Variants in PCSK6 observed in about 807,000 individuals in gnomAD.
PCSK6 encodes paired basic amino acid cleaving enzyme 4.
A neutral mutation model predicts 123.3 loss-of-function variants in PCSK6; 85 were observed. The observed-to-expected ratio is 0.69, with a 90% confidence interval of 0.58 to 0.83. PCSK6 has a LOEUF of 0.83. PCSK6 is among the 40% of genes least tolerant of loss of function. PCSK6 has a pLI of 0.00. For missense variants in PCSK6, 1,191 were observed against 1,282.3 expected, an observed-to-expected ratio of 0.93 and a Z score of 1.09; for synonymous variants, 508 against 516.0, an observed-to-expected ratio of 0.98 and a Z score of 0.21.
In PCSK6 at chr15:101,393,331, T is replaced by C. The variant is rs2042291187; in HGVS notation, c.1090A>G (p.Ile364Val). The C allele has an allele frequency of 6.2e-7, 1 of 1,611,300 alleles. No individual in the cohort carries two copies. The highest frequency in any genetic ancestry group is 1.3e-5 in the African/African-American group (1 of 74,748). ...YCSCDGYTNS[I>V]YTISVSSATE... is the part of the protein sequence containing the mutation. ...GCGCTGCTGACGGAGATGGTGTAGA[T>C]GCTGTTGGTGTAGCCATCGCACGAG... The change falls in exon 8 of 22, where the codon ATC (isoleucine) becomes GTC (valine). Residue 364 changes from isoleucine to valine, a missense_variant. Ile to Val is a conservative substitution (Grantham distance 29). Coordinates refer to ENST00000611716, the MANE Select transcript of PCSK6 (RefSeq NM_002570.5).
Position 101,423,257 on chromosome 15 carries a change from GA to G in PCSK6, c.823+4634del, listed in dbSNP as rs1284728076. Among the ~76,000 whole-genome samples, 116 of 140,040 alleles carry G rather than the reference GA, an allele frequency of 8.3e-4. 1 individual carries two copies. The highest frequency in any genetic ancestry group is 1.6e-3 in the Non-Finnish European group (101 of 64,994). The allele number at this position is 140,040 out of a possible 152,430, so 91.9% of individuals were successfully genotyped here. On this transcript the variant is annotated intron_variant, in intron 6 of 21. Coordinates refer to ENST00000611716, the MANE Select transcript of PCSK6 (RefSeq NM_002570.5). ...TCATAAGACAGAAAAGTAAATATCT[GA>G]ATTTTTTTTTTTTTTTTTTGAGATG...
chr15:101,365,910 G>C, intron 13 of PCSK6: 1 of 244,288 alleles, frequency 4.1e-6, no homozygotes, highest in African/African-American at 2.2e-5. Context: ...GGGAGGGGAG[G>C]AGGGAATGGG....
At chr15:101,363,619 G>A (rs886567013) in intron 13 of PCSK6, among the ~76,000 whole-genome samples, 10 of 151,658 alleles carry the variant, frequency 6.6e-5, no homozygotes, top group Non-Finnish European at 1.2e-4. Flanking sequence ...TGTACTTTTA[G>A]GATTTGTTAT....
At chr15:101,401,001 G>A (rs1187528658) in intron 6 of PCSK6, among the ~76,000 whole-genome samples, 2 of 152,230 alleles carry the variant, frequency 1.3e-5, no homozygotes, top group Non-Finnish European at 2.9e-5. Context: ...GTTCTTGGGA[G>A]GCCAGGTAGG....
chr15:101,312,651 T>C (rs2039892961), intron 20 of PCSK6, among the ~76,000 whole-genome samples: 1 of 152,044 alleles, frequency 6.6e-6, no homozygotes, highest in Admixed American at 6.6e-5. Flanking sequence ...GCCAACGTGG[T>C]GAAACCCGGT....
Position 101,331,889 on chromosome 15 carries a change from G to A in PCSK6, c.2001C>T (p.Ser667=), listed in dbSNP as rs2040378558. Residue 667 remains serine (S), a synonymous_variant, in exon 14 of 22, where the codon TCC becomes TCT. Transcript: ENST00000611716. The part of the protein sequence containing the change: ...LEPPKAALSP[S]QVEVPEDEED... ...CCTCATCTTCAGGAACTTCCACCTG[G>A]GAGGGTGACAGGGCAGCCTTGGGTG... 1 of 1,613,518 alleles carries A rather than the reference G, an allele frequency of 6.2e-7. No homozygotes were observed.
At chr15:101,371,676 G>GA (rs1230176596) in intron 11 of PCSK6, among the ~76,000 whole-genome samples, 2 of 152,150 alleles carry the variant, frequency 1.3e-5, no homozygotes, top group East Asian at 3.9e-4. Flanking sequence ...GAGGAGCTGG[G>GA]ATTTGGGGCC....
At chr15:101,403,269 T>G (rs1420454313) in intron 6 of PCSK6, among the ~76,000 whole-genome samples, 173 of 87,362 alleles carry the variant, frequency 2.0e-3, no homozygotes, top group African/African-American at 5.6e-3. Flanking sequence ...TGGGGACTGT[T>G]GTGGGGTGGG....
chr15:101,367,402 G>T (rs1299236169), intron 12 of PCSK6, among the ~76,000 whole-genome samples: 1 of 152,126 alleles, frequency 6.6e-6, no homozygotes, highest in Non-Finnish European at 1.5e-5. Flanking sequence ...AGTTTTGAAT[G>T]ATGTAAGATT....
At chr15:101,343,963 C>T (rs920905618) in intron 13 of PCSK6, among the ~76,000 whole-genome samples, 44 of 152,124 alleles carry the variant, frequency 2.9e-4, no homozygotes, top group Admixed American at 2.2e-3. Context: ...GTAGTCCCAG[C>T]TACTCAGGAG....
intron 13 of PCSK6, among the ~76,000 whole-genome samples, chr15:101,333,644 A>G (rs183939964): frequency 6.7e-4 from 102 of 152,252 alleles, no homozygotes; most frequent in African/African-American, 2.3e-3. Context: ...CTGCCTATGC[A>G]CTGTTTCTGC....
intron 19 of PCSK6, among the ~76,000 whole-genome samples, chr15:101,317,957 C>CT: frequency 6.6e-6 from 1 of 152,246 alleles, no homozygotes; most frequent in East Asian, 1.9e-4. Context: ...CTCTGCCTCT[C>CT]TAAGTGCTGG....
intron 7 of PCSK6, among the ~76,000 whole-genome samples, chr15:101,393,864 G>T (rs895837512): frequency 2.0e-5 from 3 of 152,232 alleles, no homozygotes; most frequent in African/African-American, 7.2e-5. Flanking sequence ...AGCTGGTCTG[G>T]TGGGGAAAAG....
At chr15:101,466,924 G>A (rs2057475138) in intron 1 of PCSK6, among the ~76,000 whole-genome samples, 1 of 152,064 alleles carries the variant, frequency 6.6e-6, no homozygotes, top group Non-Finnish European at 1.5e-5. Flanking sequence ...ATCAGATGGG[G>A]TGCGGGGACA....
chr15:101,331,995 G>C lies in PCSK6; in HGVS notation c.1895C>G (p.Thr632Arg), dbSNP rs2141371729. ...LKEWSLILYG[T>R]AEHPYHTFSA... ...GAAGGTGTGGTACGGGTGCTCTGCT[G>C]TGCCATACAGTATGAGGCTCCATTC... Residue 632 changes from threonine to arginine, a missense_variant, in exon 14 of 22, where the codon ACA (threonine) becomes AGA (arginine). Coordinates refer to ENST00000611716, the MANE Select transcript of PCSK6 (RefSeq NM_002570.5). 6.2e-7 allele frequency: 1 copy of C among 1,612,192 alleles called. No individual in the cohort carries two copies. Among genetic ancestry groups the C allele is most frequent in the South Asian group, 1.1e-5 (1 of 90,912 alleles).
At chr15:101,471,536 T>C (rs774837723) in intron 1 of PCSK6, among the ~76,000 whole-genome samples, 2 of 152,252 alleles carry the variant, frequency 1.3e-5, no homozygotes, top group Non-Finnish European at 2.9e-5. Flanking sequence ...ACACATCTTA[T>C]TTTTGGTGCA....
chr15:101,378,135 T>A (rs2041805518), intron 11 of PCSK6, among the ~76,000 whole-genome samples: 1 of 152,250 alleles, frequency 6.6e-6, no homozygotes, highest in Admixed American at 6.5e-5. Flanking sequence ...AAGCTTAATT[T>A]TCTTTTTCAT....
At chr15:101,327,256 T>G (rs988786149) in intron 15 of PCSK6, among the ~76,000 whole-genome samples, 2 of 152,172 alleles carry the variant, frequency 1.3e-5, no homozygotes, top group Non-Finnish European at 2.9e-5. Context: ...GAAAAACAAC[T>G]GAGAACTGCA....
chr15:101,366,576 A>AAGGCAGGC (rs1018891035), intron 12 of PCSK6, among the ~76,000 whole-genome samples: 3 of 152,134 alleles, frequency 2.0e-5, no homozygotes, highest in Non-Finnish European at 4.4e-5. Context: ...TTCTGAGAGG[A>AAGGCAGGC]AGGCAGGCAG....
Sources: gnomAD v4.1 joint callset for allele counts (sites outside exome capture counted in the v4.1 genomes callset) on GRCh38, gnomAD v4.1.1 for gene constraint, MANE v1.5 for transcripts, NCBI Gene and HGNC (gene_info 2026-07-23, HGNC 2026-07-21) for gene names.